Variants in MOB3B observed in about 807,000 individuals in gnomAD.
MOB3B encodes the protein MOB kinase activator 3B, also known as MOB kinase activator-like 2B.
Under a neutral mutation model 18.7 loss-of-function variants are expected in MOB3B, and 7 were observed. The ratio of observed to expected loss-of-function variants is 0.37; its 90% CI spans 0.21 to 0.70. The LOEUF (loss-of-function observed/expected upper bound fraction) is 0.70, where lower values mean the gene tolerates loss of function less well. MOB3B is among the 30% of genes least tolerant of loss of function. MOB3B has a pLI of 0.52. For synonymous variants in MOB3B, 111 were observed against 99.9 expected, an observed-to-expected ratio of 1.11 and a Z score of -0.66; for missense variants, 253 against 281.3, an observed-to-expected ratio of 0.90 and a Z score of 0.72.
intron 2 of MOB3B, among the ~76,000 whole-genome samples, chr9:27,402,514 G>C (rs1029706216): frequency 6.6e-6 from 1 of 152,148 alleles, no homozygotes; most frequent in African/African-American, 2.4e-5. Context: ...TCATTGCCTG[G>C]TGTACAATAG....
intron 1 of MOB3B, among the ~76,000 whole-genome samples, chr9:27,466,040 G>C (rs920612859): frequency 6.6e-6 from 1 of 152,124 alleles, no homozygotes; most frequent in South Asian, 2.1e-4. Flanking sequence ...TTATGCAGCC[G>C]ACTTGAATTT....
In MOB3B at chr9:27,326,761, G is replaced by A. The variant is rs1820717821; in HGVS notation, c.*3826C>T. On this transcript the variant is annotated 3_prime_UTR_variant, in exon 4 of 4. Coordinates refer to ENST00000262244, the MANE Select transcript of MOB3B (RefSeq NM_024761.5). ...AGAAGCAGGAAATGACTCTAGATCA[G>A]TATTTCTCAATTACAGCCGTGTAAG... is the stretch of plus-strand genomic sequence containing the variant. 7.6e-6 allele frequency: 3 copies of A among 395,744 alleles called. No homozygotes were observed. The highest frequency in any genetic ancestry group is 1.3e-5 in the Non-Finnish European group (3 of 224,840). The allele number at this position is 395,744 out of a possible 1,614,324, so 24.5% of individuals were successfully genotyped here. A position where few individuals can be genotyped will look rare whatever the true frequency, so the allele number is the denominator to read the frequency against.
intron 1 of MOB3B, among the ~76,000 whole-genome samples, chr9:27,479,235 G>A (rs780267739): frequency 4.1e-4 from 62 of 152,260 alleles, no homozygotes; most frequent in Admixed American, 1.7e-3. Flanking sequence ...GCAAGAGAGA[G>A]AGAGGGAAGG....
At chr9:27,340,530 T>C (rs1028425839) in intron 3 of MOB3B, among the ~76,000 whole-genome samples, 8 of 152,166 alleles carry the variant, frequency 5.3e-5, no homozygotes, top group African/African-American at 1.7e-4. Context: ...TCAAAACTGT[T>C]TGTGGTCACT....
chr9:27,354,504 C>CT (rs1345328735), intron 3 of MOB3B, among the ~76,000 whole-genome samples: 1 of 152,156 alleles, frequency 6.6e-6, no homozygotes, highest in Non-Finnish European at 1.5e-5. Flanking sequence ...TCTTATTTTG[C>CT]TTTTAATGTC....
In MOB3B at chr9:27,345,592, G is replaced by A. The variant is rs143161665; in HGVS notation, c.621+13442C>T. Among the ~76,000 whole-genome samples, 233 of 152,164 alleles carry A rather than the reference G, an allele frequency of 1.5e-3. 1 individual carries two copies. Among genetic ancestry groups the A allele is most frequent in the East Asian group, 0.011 (57 of 5,170 alleles). ...CACAGCTTCCTATTTCATGCTACTCGCCTGTTAACTGATATTTGTTACCTG... is the reference window on the plus strand; with the variant it reads ...CACAGCTTCCTATTTCATGCTACTCACCTGTTAACTGATATTTGTTACCTG... On this transcript the variant is annotated intron_variant, in intron 3 of 3. Coordinates refer to ENST00000262244, the MANE Select transcript of MOB3B (RefSeq NM_024761.5).
chr9:27,449,472 C>T (rs1273928970), intron 2 of MOB3B, among the ~76,000 whole-genome samples: 13 of 152,272 alleles, frequency 8.5e-5, no homozygotes, highest in African/African-American at 3.1e-4. Context: ...ACAGTTATAA[C>T]CCTTAGTTTA....
At chr9:27,439,493 A>G (rs1004625427) in intron 2 of MOB3B, among the ~76,000 whole-genome samples, 1 of 152,186 alleles carries the variant, frequency 6.6e-6, no homozygotes, top group Admixed American at 6.5e-5. Flanking sequence ...GGAGGTTTTT[A>G]CCATTGGCAC....
intron 2 of MOB3B, among the ~76,000 whole-genome samples, chr9:27,426,201 T>G (rs960607276): frequency 6.6e-6 from 1 of 152,198 alleles, no homozygotes; most frequent in Non-Finnish European, 1.5e-5. Flanking sequence ...ACCTATCCTG[T>G]GTTGATACCA....
At chr9:27,362,946 C>T (rs185214147) in intron 2 of MOB3B, among the ~76,000 whole-genome samples, 2 of 152,154 alleles carry the variant, frequency 1.3e-5, no homozygotes, top group African/African-American at 2.4e-5. Flanking sequence ...CTTCAGATGG[C>T]GAGACCTCGG....
chr9:27,479,233 G>C (rs964887046), intron 1 of MOB3B, among the ~76,000 whole-genome samples: 1 of 152,158 alleles, frequency 6.6e-6, no homozygotes, highest in African/African-American at 2.4e-5. Flanking sequence ...GGGCAAGAGA[G>C]AGAGAGGGAA....
At chr9:27,334,825 T>C (rs1820840490) in intron 3 of MOB3B, among the ~76,000 whole-genome samples, 1 of 151,950 alleles carries the variant, frequency 6.6e-6, no homozygotes, top group Non-Finnish European at 1.5e-5. Flanking sequence ...ATATTCTTTT[T>C]TTTCTTTTTC....
chr9:27,444,916 A>C (rs961784259), intron 2 of MOB3B, among the ~76,000 whole-genome samples: 1 of 152,206 alleles, frequency 6.6e-6, no homozygotes, highest in Non-Finnish European at 1.5e-5. Flanking sequence ...TGGAATTACC[A>C]CCTTATTTTA....
chr9:27,406,693 A>G (rs2131397646), intron 2 of MOB3B, among the ~76,000 whole-genome samples: 1 of 152,352 alleles, frequency 6.6e-6, no homozygotes, highest in Non-Finnish European at 1.5e-5. Context: ...ATGCAAAAGA[A>G]TGAAACTAGA....
At chr9:27,528,316 C>A (rs1820468492) in intron 1 of MOB3B, among the ~76,000 whole-genome samples, 1 of 152,260 alleles carries the variant, frequency 6.6e-6, no homozygotes, top group African/African-American at 2.4e-5. Flanking sequence ...CCAGCCCCAA[C>A]GCCTTTGGCT....
At chr9:27,490,066 TC>T (rs1342553185) in intron 1 of MOB3B, among the ~76,000 whole-genome samples, 1 of 152,054 alleles carries the variant, frequency 6.6e-6, no homozygotes, top group African/African-American at 2.4e-5. Flanking sequence ...TCAACACACT[TC>T]CCCTCTGCAT....
chr9:27,395,498 G>C (rs1048074537), intron 2 of MOB3B, among the ~76,000 whole-genome samples: 7 of 152,100 alleles, frequency 4.6e-5, no homozygotes, highest in Non-Finnish European at 8.8e-5. Context: ...CCCAGACAGA[G>C]AGAGGCAGGT....
Position 27,332,348 on chromosome 9 carries a change from CAT to C in MOB3B, c.622-1734_622-1733del, listed in dbSNP as rs1820802163. On this transcript the variant is annotated intron_variant, in intron 3 of 3. Coordinates refer to ENST00000262244, the MANE Select transcript of MOB3B (RefSeq NM_024761.5). ...AAACAAGATGGGAATACAACAAGAG[CAT>C]GTGTGTGTGTGTTTGAGAGAGACAG... is the stretch of plus-strand genomic sequence containing the variant. Among the ~76,000 whole-genome samples, 9 of 152,188 alleles carry C rather than the reference CAT, an allele frequency of 5.9e-5. No individual in the cohort carries two copies. The South Asian group carries it at 1.7e-3, about 28-fold the overall frequency.
At chr9:27,362,997 A>G (rs1265289918) in intron 2 of MOB3B, among the ~76,000 whole-genome samples, 1 of 152,132 alleles carries the variant, frequency 6.6e-6, no homozygotes, top group Non-Finnish European at 1.5e-5. Flanking sequence ...TTCTCATTCT[A>G]TGTAACTAAC....
Sources: gnomAD v4.1 joint callset for allele counts (sites outside exome capture counted in the v4.1 genomes callset) on GRCh38, gnomAD v4.1.1 for gene constraint, MANE v1.5 for transcripts, NCBI Gene and HGNC (gene_info 2026-07-23, HGNC 2026-07-21) for gene names.